Variants in HSD11B1 observed in about 807,000 individuals in gnomAD.
The protein encoded by HSD11B1 is 11-beta-hydroxysteroid dehydrogenase 1.
Under a neutral mutation model 22.1 loss-of-function variants are expected in HSD11B1, and 15 were observed. That is an observed-to-expected ratio of 0.68 (90% CI 0.45 to 1.04). The LOEUF (loss-of-function observed/expected upper bound fraction) is 1.04. Among genes scored for constraint, HSD11B1 ranks in the 50% least tolerant of loss-of-function variants. HSD11B1 has a pLI of 0.00. For synonymous variants in HSD11B1, 122 were observed against 125.2 expected (o/e 0.97, Z 0.17); for missense variants, 281 against 357.6 (o/e 0.79, Z 1.73).
At chr1:209,728,188 T>C (rs973536377) in intron 4 of HSD11B1, among the ~76,000 whole-genome samples, 5 of 152,242 alleles carry the variant, frequency 3.3e-5, no homozygotes, top group African/African-American at 9.6e-5. Flanking sequence ...ACTTTGAGAT[T>C]AGAAATTCAC....
In HSD11B1 at chr1:209,734,484, C is replaced by T; in HGVS notation, c.842C>T (p.Ser281Leu). 2 of 1,614,030 alleles carry T rather than the reference C, an allele frequency of 1.2e-6. No homozygotes were observed. Among genetic ancestry groups the T allele is most frequent in the East Asian group, 2.2e-5 (1 of 44,878 alleles). The stretch of plus-strand genomic sequence containing the variant: ...AGGAAGATCCTGGAATTTCTCTACT[C>T]AACGAGCTATAATATGGACAGATTC... ...PCRKILEFLY[S>L]TSYNMDRFIN... Residue 281 changes from serine to leucine, a missense_variant, in exon 6 of 6, where the codon TCA (serine) becomes TTA (leucine). Ser to Leu is a moderately radical substitution (Grantham distance 145). Transcript: ENST00000367027.
chr1:209,734,393 C>T lies in HSD11B1; in HGVS notation c.751C>T (p.Leu251=), dbSNP rs1479214695. 3 of 1,614,130 alleles carry T rather than the reference C, an allele frequency of 1.9e-6. No individual in the cohort carries two copies. In the Admixed American group the frequency reaches 5.0e-5, roughly 27 times the overall value. ...CALEIIKGGA[L]RQEEVYYDSS... ...CCTGGAGATCATCAAAGGGGGAGCT[C>T]TGCGCCAAGAAGAAGTGTATTATGA... is the stretch of plus-strand genomic sequence containing the variant. Residue 251 remains leucine (L), a synonymous_variant, in exon 6 of 6, where the codon CTG becomes TTG. Transcript: ENST00000367027.
At chr1:209,718,655 A>T (rs1327493948) in intron 4 of HSD11B1, among the ~76,000 whole-genome samples, 1 of 152,172 alleles carries the variant, frequency 6.6e-6, no homozygotes, top group Non-Finnish European at 1.5e-5. Context: ...GTCACTATGA[A>T]AAACAGTATG....
At chr1:209,733,688 T>C (rs527543717) in intron 5 of HSD11B1, among the ~76,000 whole-genome samples, 19 of 152,050 alleles carry the variant, frequency 1.2e-4, no homozygotes, top group South Asian at 1.2e-3. Flanking sequence ...GTGGCAGATA[T>C]TAAAAGAAAA....
At chr1:209,704,835 T>A, upstream of HSD11B1, 2 of 826,148 alleles carry the variant, frequency 2.4e-6, no homozygotes. Flanking sequence ...GCCTCCCCCG[T>A]CCCTGATGTC....
At chr1:209,707,807 G>A (rs1382702378) in intron 4 of HSD11B1, among the ~76,000 whole-genome samples, 1 of 152,166 alleles carries the variant, frequency 6.6e-6, no homozygotes, top group Non-Finnish European at 1.5e-5. Flanking sequence ...CTTCCTCCAT[G>A]ACCAAAAGGT....
upstream of HSD11B1, among the ~76,000 whole-genome samples, chr1:209,701,360 G>A (rs956243831): frequency 3.9e-5 from 6 of 152,116 alleles, no homozygotes; most frequent in Non-Finnish European, 7.4e-5. Context: ...ATCAGATCTC[G>A]TGAGACTTAT....
intron 4 of HSD11B1, among the ~76,000 whole-genome samples, chr1:209,729,185 C>G (rs1205320597): frequency 2.6e-5 from 4 of 152,008 alleles, no homozygotes; most frequent in Non-Finnish European, 4.4e-5. Context: ...ATGGTGAAAC[C>G]CTGTTTCTAC....
chr1:209,687,844 C>T (rs1368803190), intron 1 of HSD11B1, among the ~76,000 whole-genome samples: 2 of 152,152 alleles, frequency 1.3e-5, no homozygotes, highest in Non-Finnish European at 1.5e-5. Context: ...TTTAGTTTTT[C>T]CAGAATCTGT....
rs769737929 is a variant in HSD11B1 at position 209,734,331 on chromosome 1, T to C, written c.689T>C (p.Ile230Thr). The C allele has an allele frequency of 6.2e-7, 1 of 1,614,044 alleles. No individual in the cohort carries two copies. Among genetic ancestry groups the C allele is most frequent in the South Asian group, 1.1e-5 (1 of 91,080 alleles). Residue 230 changes from isoleucine to threonine, a missense_variant, in exon 6 of 6, where the codon ATA becomes ACA. Physicochemically the swap from Ile to Thr is moderately conservative, Grantham distance 89. Coordinates refer to ENST00000367027, the MANE Select transcript of HSD11B1 (RefSeq NM_005525.4). Reference protein sequence around the residue: ...TETAMKAVSGIVHMQAAPKEE... With the variant: ...TETAMKAVSGTVHMQAAPKEE... ...ACAGCCATGAAGGCAGTTTCTGGGA[T>C]AGTCCATATGCAAGCAGCTCCAAAG...
In HSD11B1 at chr1:209,719,795, C is replaced by T. The variant is rs2076954538; in HGVS notation, c.518-12641C>T. Among the ~76,000 whole-genome samples the T allele has an allele frequency of 2.0e-5, 3 of 152,242 alleles. No homozygotes were observed. In the South Asian group the frequency reaches 6.2e-4, roughly 32 times the overall value. On this transcript the variant is annotated intron_variant, in intron 4 of 5. Transcript: ENST00000367027. Reference sequence around the variant, plus strand: ...ATGTGCCACATTTGCTTAATCCACTCTATCATTGATGGACATTTGAATTGG... The same window carrying T: ...ATGTGCCACATTTGCTTAATCCACTTTATCATTGATGGACATTTGAATTGG...
chr1:209,698,201 AGAT>A, intron 1 of HSD11B1, among the ~76,000 whole-genome samples: 1 of 152,014 alleles, frequency 6.6e-6, no homozygotes, highest in African/African-American at 2.4e-5. Flanking sequence ...ATAGATAGAT[AGAT>A]AGATAGATAG....
intron 4 of HSD11B1, among the ~76,000 whole-genome samples, chr1:209,718,177 A>G (rs1435175413): frequency 2.0e-5 from 3 of 152,218 alleles, no homozygotes; most frequent in Admixed American, 6.5e-5. Context: ...CTAATGTTCG[A>G]TAGTAGAGTG....
At position 209,732,459 on chromosome 1, in the gene HSD11B1, G is replaced by C. The variant is rs1282993490; in HGVS notation, c.541G>C (p.Ala181Pro). 6 of 1,613,970 alleles carry C rather than the reference G, an allele frequency of 3.7e-6. No homozygotes were observed. In the African/African-American group the frequency reaches 8.0e-5, roughly 22 times the overall value. The part of the protein sequence containing the change: ...LAGKVAYPMV[A>P]AYSASKFALD... ...AGGGAAAGTGGCTTATCCAATGGTTGCTGCCTATTCTGCAAGCAAGTTTGC... is the reference window on the plus strand; with the variant it reads ...AGGGAAAGTGGCTTATCCAATGGTTCCTGCCTATTCTGCAAGCAAGTTTGC... The change falls in exon 5 of 6, where the codon GCT (alanine) becomes CCT (proline). Residue 181 changes from alanine (A) to proline (P), a missense_variant. Coordinates refer to ENST00000367027, the MANE Select transcript of HSD11B1 (RefSeq NM_005525.4).
At chr1:209,687,270 T>C (rs1260194227) in intron 1 of HSD11B1, among the ~76,000 whole-genome samples, 2 of 152,202 alleles carry the variant, frequency 1.3e-5, no homozygotes, top group Non-Finnish European at 2.9e-5. Context: ...AGGGACACAA[T>C]TGAAGTGTTT....
intron 4 of HSD11B1, among the ~76,000 whole-genome samples, chr1:209,713,119 A>C (rs2076908709): frequency 6.6e-6 from 1 of 152,236 alleles, no homozygotes; most frequent in Admixed American, 6.5e-5. Flanking sequence ...ATAGCTATTA[A>C]ATTAGTCACA....
chr1:209,690,938 C>T (rs2076756085), intron 1 of HSD11B1, among the ~76,000 whole-genome samples: 1 of 152,048 alleles, frequency 6.6e-6, no homozygotes, highest in African/African-American at 2.4e-5. Context: ...TACCAAAATA[C>T]AAGATTTGAA....
At chr1:209,730,568 GCTGTC>G (rs2077029432) in intron 4 of HSD11B1, among the ~76,000 whole-genome samples, 1 of 152,120 alleles carries the variant, frequency 6.6e-6, no homozygotes, top group South Asian at 2.1e-4. Flanking sequence ...TGATTACGTT[GCTGTC>G]CTGAACAAAA....
intron 5 of HSD11B1, among the ~76,000 whole-genome samples, chr1:209,734,023 C>G (rs1428764688): frequency 1.3e-5 from 2 of 152,114 alleles, no homozygotes; most frequent in Non-Finnish European, 1.5e-5. Context: ...ACCAAAATAC[C>G]CAAGAGAGAA....
Sources: gnomAD v4.1 joint callset for allele counts (sites outside exome capture counted in the v4.1 genomes callset) on GRCh38, gnomAD v4.1.1 for gene constraint, MANE v1.5 for transcripts, NCBI Gene and HGNC (gene_info 2026-07-23, HGNC 2026-07-21) for gene names.